Variants in MFSD2B observed in about 807,000 individuals in gnomAD.
MFSD2B encodes sphingosine-1-phosphate transporter MFSD2B.
MFSD2B carries 56 observed loss-of-function variants against 58.4 expected under a neutral mutation model. The ratio of observed to expected loss-of-function variants is 0.96; its 90% confidence interval spans 0.77 to 1.20. The LOEUF (loss-of-function observed/expected upper bound fraction) is 1.20, where lower values mean the gene tolerates loss of function less well. Among genes scored for constraint, MFSD2B ranks in the 50% most tolerant of loss-of-function variants. The pLI, the probability that MFSD2B is intolerant of heterozygous loss-of-function variation, is 0.00. For synonymous variants in MFSD2B, 287 were observed against 294.4 expected (o/e 0.97, Z 0.26); for missense variants, 645 against 667.6 (o/e 0.97, Z 0.37).
Position 24,013,341 on chromosome 2 carries a change from G to A in MFSD2B, c.153G>A (p.Gly51=), listed in dbSNP as rs748620665. 55 of 1,611,924 alleles carry A rather than the reference G, an allele frequency of 3.4e-5. No individual in the cohort carries two copies. Among genetic ancestry groups the A allele is most frequent in the Non-Finnish European group, 4.6e-5 (54 of 1,179,292 alleles). Residue 51 remains glycine (G), a synonymous_variant, in exon 2 of 14, where the codon GGG becomes GGA. Transcript: ENST00000338315. ...FCTKVCYGIG[G]VPNQIASSAT... ...CAAAGGTGTGCTATGGCATTGGTGG[G>A]GTCCCCAACCAGATAGCCTCCAGCG... is the stretch of plus-strand genomic sequence containing the variant.
At position 24,023,263 on chromosome 2, in the gene MFSD2B, CGT is replaced by C. The variant is rs982603251; in HGVS notation, c.1169+29_1169+30del. On this transcript the variant is annotated intron_variant, in intron 11 of 13. Coordinates refer to ENST00000338315, the MANE Select transcript of MFSD2B (RefSeq NM_001346880.2). The surrounding 1 kb of genome is among the most constrained non-coding windows in gnomAD (Gnocchi z 5.0). The stretch of plus-strand genomic sequence containing the variant: ...TGGTAGGCTGGGTGTGGGGGCCTCA[CGT>C]GTGTCCACAGTGGGTGTCACCTCCT... The C allele has an allele frequency of 1.9e-5, 29 of 1,564,690 alleles. No homozygotes were observed. Among genetic ancestry groups the C allele is most frequent in the Non-Finnish European group, 2.6e-5 (29 of 1,136,314 alleles).
rs1012861735 is a variant in MFSD2B at position 24,020,951 on chromosome 2, C to G, written c.682-697C>G. Among the ~76,000 whole-genome samples, 7 of 151,862 alleles carry G rather than the reference C, an allele frequency of 4.6e-5. No individual in the cohort carries two copies. Among genetic ancestry groups the G allele is most frequent in the Non-Finnish European group, 8.8e-5 (6 of 67,994 alleles). ...TCGCTCTGTCGCTTAGGCTGGAGTG[C>G]AGTACTGTGATCTCGGCTCACTGCA... On this transcript the variant is annotated intron_variant, in intron 6 of 13. Coordinates refer to ENST00000338315, the MANE Select transcript of MFSD2B (RefSeq NM_001346880.2). This position sits in a 1 kb window ranked among gnomAD's most constrained non-coding sequence, Gnocchi z 4.1.
Position 24,025,739 on chromosome 2 carries a change from T to C in MFSD2B, c.*283T>C. 1 of 422,938 alleles carries C rather than the reference T, an allele frequency of 2.4e-6. No individual in the cohort carries two copies. Among genetic ancestry groups the C allele is most frequent in the Non-Finnish European group, 4.3e-6 (1 of 234,810 alleles). The allele number at this position is 422,938 out of a possible 1,614,324, so 26.2% of individuals were successfully genotyped here. A position where few individuals can be genotyped will look rare whatever the true frequency, so the allele number is the denominator to read the frequency against. On this transcript the variant is annotated 3_prime_UTR_variant, in exon 14 of 14. Transcript: ENST00000338315. ...AAAGGAAGCTCCTGCCCAACCTGGC[T>C]TGTGGACCAGTAATATCTGTGGCCT...
chr2:24,010,906 G>A (rs1317843543), intron 1 of MFSD2B, among the ~76,000 whole-genome samples: 3 of 152,316 alleles, frequency 2.0e-5, no homozygotes, highest in South Asian at 2.1e-4. Context: ...GGGAGCACAG[G>A]ATTGCATCCC....
intron 1 of MFSD2B, chr2:24,013,006 G>A (rs1204862046): frequency 3.6e-5 from 11 of 302,972 alleles, no homozygotes; most frequent in African/African-American, 6.3e-5. Flanking sequence ...TTACACGGCC[G>A]TGCTGACTCA....
chr2:24,026,516 A>G lies in MFSD2B; in HGVS notation c.*1060A>G, dbSNP rs991189072. ...TTGAAACTTTCAGCCTTATCTTCCT[A>G]CCGGGAGGGGACAGGGGCTGAAGAC... On this transcript the variant is annotated 3_prime_UTR_variant, in exon 14 of 14. Transcript: ENST00000338315. 4.6e-5 allele frequency: 7 copies of G among 152,170 alleles called. No individual in the cohort carries two copies. Among genetic ancestry groups the G allele is most frequent in the African/African-American group, 1.7e-4 (7 of 41,424 alleles). 9.4% of individuals were successfully genotyped at this position (152,170 alleles called of 1,614,324 possible).
Position 24,013,398 on chromosome 2 carries a change from TGATATAGCACAGGTAAGTGTGGGCA to T in MFSD2B, c.212_222+14del. The T allele has an allele frequency of 3.7e-6, 6 of 1,608,240 alleles. No individual in the cohort carries two copies. Among genetic ancestry groups the T allele is most frequent in the Non-Finnish European group, 5.1e-6 (6 of 1,177,446 alleles). On this transcript the variant is annotated splice_donor_variant and splice_donor_5th_base_variant and coding_sequence_variant and intron_variant, in exon 2 of 14. Coordinates refer to ENST00000338315, the MANE Select transcript of MFSD2B (RefSeq NM_001346880.2). LOFTEE classifies it high-confidence loss of function. ...CCTTTTACCTGCAGCTTTTCCTGCT[TGATATAGCACAGGTAAGTGTGGGCA>T]GTAGCCCAGTCTCTGCTGGCATCTT... is the stretch of plus-strand genomic sequence containing the variant.
chr2:24,024,843 G>C lies in MFSD2B; in HGVS notation c.1490+572G>C, dbSNP rs2150943575. 6.6e-6 allele frequency among the ~76,000 whole-genome samples: 1 copy of C among 152,230 alleles called. No homozygotes were observed. The highest frequency in any genetic ancestry group is 3.4e-3 in the Middle Eastern group (1 of 294). On this transcript the variant is annotated intron_variant, in intron 13 of 13. Transcript: ENST00000338315. This position sits in a 1 kb window ranked among gnomAD's most constrained non-coding sequence, Gnocchi z 4.3. Reference sequence around the variant, plus strand: ...TCCCTCCCACGGGCAATACTGAGCAGGTCTCTGACCTGGTCCTTCCCCTAC... The same window carrying C: ...TCCCTCCCACGGGCAATACTGAGCACGTCTCTGACCTGGTCCTTCCCCTAC...
intron 2 of MFSD2B, among the ~76,000 whole-genome samples, chr2:24,014,992 G>A (rs969176225): frequency 5.3e-5 from 8 of 152,038 alleles, no homozygotes; most frequent in African/African-American, 7.2e-5. Flanking sequence ...GGTGGCACAC[G>A]CCTGTAGTCA....
At chr2:24,016,792 GTGT>G (rs1709160088) in intron 3 of MFSD2B, 50 bp from the exon 4 acceptor site, 21 of 1,601,928 alleles carry the variant, frequency 1.3e-5, no homozygotes, top group Non-Finnish European at 1.6e-5. Context: ...TGGGCCCTTT[GTGT>G]TCCCCTGTCT....
At chr2:24,015,151 G>T (rs1345705502) in intron 2 of MFSD2B, among the ~76,000 whole-genome samples, 1 of 151,378 alleles carries the variant, frequency 6.6e-6, no homozygotes, top group Non-Finnish European at 1.5e-5. Flanking sequence ...ACAAAAAAAT[G>T]AGGTATCCAG....
Position 24,013,392 on chromosome 2 carries a change from C to T in MFSD2B, c.204C>T (p.Phe68=), listed in dbSNP as rs1453230114. The change falls in exon 2 of 14, where the codon TTC becomes TTT. Residue 68 remains phenylalanine, a synonymous_variant. Coordinates refer to ENST00000338315, the MANE Select transcript of MFSD2B (RefSeq NM_001346880.2). ...CCACAGCCTTTTACCTGCAGCTTTT[C>T]CTGCTTGATATAGCACAGGTAAGTG... The part of the protein sequence containing the change: ...SSATAFYLQL[F]LLDIAQIPAA... The T allele has an allele frequency of 1.2e-6, 2 of 1,608,838 alleles. No homozygotes were observed. The highest frequency in any genetic ancestry group is 1.7e-6 in the Non-Finnish European group (2 of 1,177,736).
Position 24,023,077 on chromosome 2 carries a change from C to T in MFSD2B, c.1060-53C>T. ...GTCAGTCGAGTCGTGTGTGAAGGAG[C>T]AGGCCCCACGAAGAAGCAGGTGGCG... On this transcript the variant is annotated intron_variant, in intron 10 of 13. Transcript: ENST00000338315. The surrounding 1 kb of genome is among the most constrained non-coding windows in gnomAD (Gnocchi z 5.0). 1 of 1,479,532 alleles carries T rather than the reference C, an allele frequency of 6.8e-7. No individual in the cohort carries two copies. Among genetic ancestry groups the T allele is most frequent in the Non-Finnish European group, 9.4e-7 (1 of 1,063,098 alleles). 91.7% of individuals were successfully genotyped at this position (1,479,532 alleles called of 1,614,324 possible). A position where few individuals can be genotyped will look rare whatever the true frequency, so the allele number is the denominator to read the frequency against.
Position 24,024,037 on chromosome 2 carries a change from C to T in MFSD2B, c.1314-58C>T. ...GGTGGGGTGAGGTGTCGAGTCCCTC[C>T]ACCCAGGGTGCCAGGCTCAGCAGGC... On this transcript the variant is annotated intron_variant, in intron 12 of 13. Coordinates refer to ENST00000338315, the MANE Select transcript of MFSD2B (RefSeq NM_001346880.2). The surrounding 1 kb of genome is among the most constrained non-coding windows in gnomAD (Gnocchi z 4.3). 6.4e-7 allele frequency: 1 copy of T among 1,562,726 alleles called. No homozygotes were observed.
rs1662732838 is a variant in MFSD2B, at chr2:24,020,459, C to T, written c.682-1189C>T. ...TGCGCCCTCCCTCTCCTCCCCTCCCCAGAGGCAGCCTCTGTCCCGAACTGG... is the reference window on the plus strand; with the variant it reads ...TGCGCCCTCCCTCTCCTCCCCTCCCTAGAGGCAGCCTCTGTCCCGAACTGG... On this transcript the variant is annotated intron_variant, in intron 6 of 13. Coordinates refer to ENST00000338315, the MANE Select transcript of MFSD2B (RefSeq NM_001346880.2). The surrounding 1 kb of genome is among the most constrained non-coding windows in gnomAD (Gnocchi z 4.1). 6.6e-6 allele frequency among the ~76,000 whole-genome samples: 1 copy of T among 152,180 alleles called. No individual in the cohort carries two copies. Among genetic ancestry groups the T allele is most frequent in the Admixed American group, 6.5e-5 (1 of 15,282 alleles).
chr2:24,020,021 C>T lies in MFSD2B; in HGVS notation c.682-1627C>T, dbSNP rs533023833. On this transcript the variant is annotated intron_variant, in intron 6 of 13. Transcript: ENST00000338315. This position sits in a 1 kb window ranked among gnomAD's most constrained non-coding sequence, Gnocchi z 4.1. ...CCTCAGGTGGAGCAGAGCTACCTGG[C>T]CCTGTTCTGTACACATGCCTCCCAG... is the stretch of plus-strand genomic sequence containing the variant. Among the ~76,000 whole-genome samples, 33 of 152,328 alleles carry T rather than the reference C, an allele frequency of 2.2e-4. No individual in the cohort carries two copies. The South Asian group carries it at 6.6e-3, about 31-fold the overall frequency.
Position 24,025,482 on chromosome 2 carries a change from A to T in MFSD2B, c.*26A>T, listed in dbSNP as rs1267149052. 6.5e-7 allele frequency: 1 copy of T among 1,534,948 alleles called. No individual in the cohort carries two copies. The highest frequency in any genetic ancestry group is 1.4e-5 in the African/African-American group (1 of 72,998). On this transcript the variant is annotated 3_prime_UTR_variant, in exon 14 of 14. Coordinates refer to ENST00000338315, the MANE Select transcript of MFSD2B (RefSeq NM_001346880.2). ...AGCTTAGGAGGGCGACTGTGAATGGACACAGGAGCCAGCACCCTCGGGGCC... is the reference window on the plus strand; with the variant it reads ...AGCTTAGGAGGGCGACTGTGAATGGTCACAGGAGCCAGCACCCTCGGGGCC...
At position 24,020,811 on chromosome 2, in the gene MFSD2B, C is replaced by G. The variant is rs986330113; in HGVS notation, c.682-837C>G. Among the ~76,000 whole-genome samples the G allele has an allele frequency of 6.6e-6, 1 of 152,174 alleles. No individual in the cohort carries two copies. The highest frequency in any genetic ancestry group is 1.9e-4 in the East Asian group (1 of 5,202). ...TGAACTCCTGGGTTCAAGGGATCCA[C>G]CTGCCTCAGCTTCCCAAAGAGCTGG... On this transcript the variant is annotated intron_variant, in intron 6 of 13. Coordinates refer to ENST00000338315, the MANE Select transcript of MFSD2B (RefSeq NM_001346880.2). This position sits in a 1 kb window ranked among gnomAD's most constrained non-coding sequence, Gnocchi z 4.1.
chr2:24,024,268 G>C lies in MFSD2B; in HGVS notation c.1487G>C (p.Arg496Pro), dbSNP rs201093645. The change falls in exon 13 of 14, where the codon CGG becomes CCG. Residue 496 changes from arginine (R) to proline (P), a missense_variant. Arg to Pro is a moderately radical substitution (Grantham distance 103). Transcript: ENST00000338315. The surrounding 1 kb of genome is among the most constrained non-coding windows in gnomAD (Gnocchi z 4.3). ...SRDASSRLSL[R>P]RRTSYSLA ...GACGCCTCCAGCCGGCTGAGCCTTC[G>C]GAGGTAAGCCCCGCACGCCCCCTGC... 4.4e-6 allele frequency: 7 copies of C among 1,601,366 alleles called. No homozygotes were observed. The highest frequency in any genetic ancestry group is 6.0e-6 in the Non-Finnish European group (7 of 1,174,874).
Sources: gnomAD v4.1 joint callset for allele counts (sites outside exome capture counted in the v4.1 genomes callset) on GRCh38, gnomAD v4.1.1 for gene constraint, Gnocchi (gnomAD v3.1) non-coding constraint, MANE v1.5 for transcripts, NCBI Gene and HGNC (gene_info 2026-07-23, HGNC 2026-07-21) for gene names.